WWOX: variants seen among roughly 807,000 people sequenced by gnomAD.
WWOX encodes WW domain-containing oxidoreductase.
WWOX carries 69 observed loss-of-function variants against 46.2 expected under a neutral mutation model. The observed-to-expected ratio is 1.49, with a 90% CI of 1.23 to 1.82. The LOEUF is 1.82. Among genes scored for constraint, WWOX ranks in the 40% most tolerant of loss-of-function variants. WWOX has a pLI of 0.00. For synonymous variants in WWOX, 359 were observed against 202.6 expected, an observed-to-expected ratio of 1.77 and a Z score of -6.56; for missense variants, 919 against 542.6, an observed-to-expected ratio of 1.69 and a Z score of -6.89.
intron 8 of WWOX, among the ~76,000 whole-genome samples, chr16:78,949,311 T>G (rs2046011210): frequency 6.6e-6 from 1 of 152,092 alleles, no homozygotes; most frequent in Non-Finnish European, 1.5e-5. Flanking sequence ...ACTAGATACG[T>G]TTTTTTAAGG....
At chr16:78,558,855 C>G (rs1273622086) in intron 8 of WWOX, among the ~76,000 whole-genome samples, 1 of 152,206 alleles carries the variant, frequency 6.6e-6, no homozygotes, top group Non-Finnish European at 1.5e-5. Flanking sequence ...TAGACCCCTT[C>G]TCTCTACAAC....
At chr16:79,041,452 C>T (rs1314308340) in intron 8 of WWOX, among the ~76,000 whole-genome samples, 1 of 152,162 alleles carries the variant, frequency 6.6e-6, no homozygotes, top group Non-Finnish European at 1.5e-5. Context: ...AGACATAAGC[C>T]CTGTGGGTTC....
chr16:78,800,579 C>T (rs1006250797), intron 8 of WWOX, among the ~76,000 whole-genome samples: 1 of 152,204 alleles, frequency 6.6e-6, no homozygotes, highest in African/African-American at 2.4e-5. Flanking sequence ...TCTGTCCCCA[C>T]TGTGATAGAA....
chr16:78,438,474 A>G (rs1371882331), intron 8 of WWOX, among the ~76,000 whole-genome samples: 1 of 151,214 alleles, frequency 6.6e-6, no homozygotes, highest in African/African-American at 2.4e-5. Flanking sequence ...TTTTTTCCAC[A>G]TAAGCTTTCA....
intron 8 of WWOX, among the ~76,000 whole-genome samples, chr16:78,882,346 C>T (rs1161960979): frequency 1.3e-5 from 2 of 152,142 alleles, no homozygotes; most frequent in Non-Finnish European, 2.9e-5. Context: ...AAGCGACTTG[C>T]CCAAAATAGC....
At chr16:78,875,025 A>G (rs1482795950) in intron 8 of WWOX, among the ~76,000 whole-genome samples, 6 of 152,076 alleles carry the variant, frequency 3.9e-5, no homozygotes, top group South Asian at 2.1e-4. Flanking sequence ...TCAATATCCT[A>G]TGCTTCTGAG....
chr16:78,442,887 C>T (rs1037884688), intron 8 of WWOX, among the ~76,000 whole-genome samples: 1 of 151,986 alleles, frequency 6.6e-6, no homozygotes, highest in Non-Finnish European at 1.5e-5. Flanking sequence ...CTTTGGGAGG[C>T]CGAGCCGGGC....
At chr16:78,446,290 C>G (rs74030263) in intron 8 of WWOX, among the ~76,000 whole-genome samples, 13,147 of 152,156 alleles carry the variant, frequency 0.086, 712 homozygotes, top group East Asian at 0.2. Flanking sequence ...AAAGAGCATG[C>G]GCTTTTGACT....
At chr16:78,996,048 G>C (rs767919096) in intron 8 of WWOX, among the ~76,000 whole-genome samples, 12 of 152,252 alleles carry the variant, frequency 7.9e-5, no homozygotes, top group Middle Eastern at 3.4e-3. Context: ...GAGGGAAACT[G>C]GTGATTCCAA....
chr16:78,185,487 AT>A (rs35509706), intron 5 of WWOX, among the ~76,000 whole-genome samples: 26,120 of 144,590 alleles, frequency 0.18, 2,280 homozygotes, highest in Non-Finnish European at 0.21. Flanking sequence ...GTGAACTGTG[AT>A]TTTTTTTTTT....
intron 8 of WWOX, among the ~76,000 whole-genome samples, chr16:78,785,374 G>A (rs989485636): frequency 5.9e-5 from 9 of 152,190 alleles, no homozygotes; most frequent in African/African-American, 2.2e-4. Context: ...ACTCAGTTAA[G>A]GCTGTTTGAG....
intron 4 of WWOX, among the ~76,000 whole-genome samples, chr16:78,141,268 G>T (rs2033975424): frequency 6.6e-6 from 1 of 152,176 alleles, no homozygotes; most frequent in Non-Finnish European, 1.5e-5. Flanking sequence ...CCACTGCGGA[G>T]ATGGTATGAT....
chr16:78,374,343 G>A (rs1407737718), intron 5 of WWOX, among the ~76,000 whole-genome samples: 1 of 152,008 alleles, frequency 6.6e-6, no homozygotes, highest in Non-Finnish European at 1.5e-5. Context: ...TAATGGATCA[G>A]TGAAATCCTT....
chr16:78,427,075 T>G (rs1382023094), intron 7 of WWOX, among the ~76,000 whole-genome samples: 1 of 152,176 alleles, frequency 6.6e-6, no homozygotes, highest in African/African-American at 2.4e-5. Flanking sequence ...GGTGACTTGG[T>G]GCGTAGGTGG....
intron 5 of WWOX, among the ~76,000 whole-genome samples, chr16:78,254,063 G>A (rs1236352144): frequency 1.3e-5 from 2 of 151,828 alleles, no homozygotes; most frequent in Admixed American, 6.6e-5. Flanking sequence ...AATGTCTTTC[G>A]TGAAGAATTC....
chr16:78,646,588 C>T lies in WWOX; in HGVS notation c.1056+213836C>T, dbSNP rs149588995. Among the ~76,000 whole-genome samples, 139 of 152,154 alleles carry T rather than the reference C, an allele frequency of 9.1e-4. 1 individual carries two copies. The East Asian group carries it at 0.021, about 22-fold the overall frequency. ...AATTACACGTATGTACCACTACTCC[C>T]GGCTAATTTTTGTCTTTTTAGTAGA... On this transcript the variant is annotated intron_variant, in intron 8 of 8. Coordinates refer to ENST00000566780, the MANE Select transcript of WWOX (RefSeq NM_016373.4).
intron 2 of WWOX, among the ~76,000 whole-genome samples, chr16:78,109,303 A>G (rs1262619652): frequency 6.6e-6 from 1 of 152,016 alleles, no homozygotes; most frequent in African/African-American, 2.4e-5. Flanking sequence ...CCTAGGCAAC[A>G]TAGTGAGACC....
At chr16:78,263,261 A>C (rs1214061782) in intron 5 of WWOX, among the ~76,000 whole-genome samples, 1 of 152,186 alleles carries the variant, frequency 6.6e-6, no homozygotes, top group Non-Finnish European at 1.5e-5. Context: ...TCTCAGCAAG[A>C]CCAGGACAAC....
intron 1 of WWOX, among the ~76,000 whole-genome samples, chr16:78,106,430 T>G (rs978816429): frequency 2.0e-5 from 3 of 148,636 alleles, no homozygotes; most frequent in Non-Finnish European, 4.5e-5. Context: ...TGTTTTTTTT[T>G]TTTTTTTTTG....
Sources: allele counts gnomAD v4.1 joint callset (sites outside exome capture counted in the v4.1 genomes callset), GRCh38; gene constraint gnomAD v4.1.1; transcripts MANE v1.5; gene names NCBI Gene and HGNC (gene_info 2026-07-23, HGNC 2026-07-21).